SCFD2: variants seen among roughly 807,000 people sequenced by gnomAD.
SCFD2 encodes sec1 family domain-containing protein 2.
In SCFD2, 54 loss-of-function variants were observed where a neutral mutation model predicts 58.9. The ratio of observed to expected loss-of-function variants is 0.92; its 90% CI spans 0.74 to 1.15. SCFD2 has a LOEUF of 1.15. Ranked by LOEUF, SCFD2 falls within the 50% of genes most tolerant of loss-of-function variation. The probability of loss-of-function intolerance (pLI) is 0.00; values close to 1 mark genes in which losing one functional copy is unlikely to be tolerated. For missense variants in SCFD2, 805 were observed against 836.6 expected, an observed-to-expected ratio of 0.96 and a Z score of 0.47; for synonymous variants, 321 against 335.9, an observed-to-expected ratio of 0.96 and a Z score of 0.49.
intron 5 of SCFD2, among the ~76,000 whole-genome samples, chr4:52,997,344 A>G (rs1446827477): frequency 6.6e-6 from 1 of 152,232 alleles, no homozygotes; most frequent in East Asian, 1.9e-4. Flanking sequence ...AAGAGCTCTC[A>G]GGAAAACACA....
At chr4:53,268,582 C>G (rs950634962) in intron 4 of SCFD2, among the ~76,000 whole-genome samples, 1 of 152,084 alleles carries the variant, frequency 6.6e-6, no homozygotes, top group African/African-American at 2.4e-5. Flanking sequence ...AGTGTCAGAG[C>G]CTGCAGAATG....
At chr4:53,048,279 G>A (rs1015799360) in intron 5 of SCFD2, among the ~76,000 whole-genome samples, 3 of 151,930 alleles carry the variant, frequency 2.0e-5, no homozygotes, top group African/African-American at 7.3e-5. Context: ...TGAACCTGGA[G>A]GCAGAGAATG....
intron 3 of SCFD2, among the ~76,000 whole-genome samples, chr4:53,296,566 T>C (rs115769581): frequency 0.073 from 11,117 of 152,228 alleles, 616 homozygotes; most frequent in East Asian, 0.21. Flanking sequence ...CTATCTATTT[T>C]GTTAATCTCT....
At position 53,206,497 on chromosome 4, in the gene SCFD2, T is replaced by C. The variant is rs1393977619; in HGVS notation, c.1312-60915A>G. Among the ~76,000 whole-genome samples the C allele has an allele frequency of 2.0e-5, 3 of 152,072 alleles. No individual in the cohort carries two copies. In the East Asian group the frequency reaches 5.8e-4, roughly 29 times the overall value. On this transcript the variant is annotated intron_variant, in intron 4 of 8. Transcript: ENST00000401642. ...AGAACTATGACTGTTTACCAAAGCA[T>C]AGAAAACATGTTTGCTCCATATTGT...
chr4:53,013,582 T>C (rs558049698), intron 5 of SCFD2, among the ~76,000 whole-genome samples: 4 of 152,326 alleles, frequency 2.6e-5, no homozygotes, highest in African/African-American at 7.2e-5. Flanking sequence ...CTCTACAATT[T>C]CTGTCAAAAC....
chr4:52,966,002 T>C (rs1720954663), intron 5 of SCFD2, among the ~76,000 whole-genome samples: 2 of 152,206 alleles, frequency 1.3e-5, no homozygotes, highest in South Asian at 4.1e-4. Context: ...ATCTGATTGA[T>C]AAAGACTTTC....
At chr4:52,885,719 C>G (rs749106890) in intron 8 of SCFD2, 28 bp downstream of exon 8, 1 of 1,612,678 alleles carries the variant, frequency 6.2e-7, no homozygotes, top group South Asian at 1.1e-5. Flanking sequence ...CTTCTGAGCT[C>G]TTGTTCAAAG....
At chr4:53,300,537 C>A (rs368472064) in intron 3 of SCFD2, among the ~76,000 whole-genome samples, 3 of 152,142 alleles carry the variant, frequency 2.0e-5, no homozygotes, top group Non-Finnish European at 2.9e-5. Context: ...GTAGACAGAT[C>A]AACGAGAAAG....
intron 7 of SCFD2, among the ~76,000 whole-genome samples, chr4:52,891,344 C>T (rs1718872629): frequency 6.6e-6 from 1 of 152,082 alleles, no homozygotes; most frequent in East Asian, 1.9e-4. Flanking sequence ...TCAATAAAAT[C>T]AGTAAGTCAG....
At chr4:52,984,925 A>T (rs1002454955) in intron 5 of SCFD2, among the ~76,000 whole-genome samples, 2 of 152,218 alleles carry the variant, frequency 1.3e-5, no homozygotes, top group African/African-American at 4.8e-5. Flanking sequence ...ACTTTTTATA[A>T]GCTAAAGTGT....
At chr4:53,006,771 C>T (rs990899542) in intron 5 of SCFD2, among the ~76,000 whole-genome samples, 4 of 152,130 alleles carry the variant, frequency 2.6e-5, no homozygotes, top group African/African-American at 9.7e-5. Flanking sequence ...ATGTAAAACT[C>T]ATTTTCATGC....
chr4:53,299,612 C>G (rs1732193988), intron 3 of SCFD2, among the ~76,000 whole-genome samples: 1 of 151,814 alleles, frequency 6.6e-6, no homozygotes, highest in Admixed American at 6.6e-5. Flanking sequence ...CAAAGATAAT[C>G]CTCGAGAAGA....
chr4:53,076,564 T>A (rs1277634877), intron 5 of SCFD2, among the ~76,000 whole-genome samples: 1 of 152,080 alleles, frequency 6.6e-6, no homozygotes, highest in Non-Finnish European at 1.5e-5. Flanking sequence ...TCCTCGTAAC[T>A]GTCAGGAGCA....
At chr4:53,057,884 G>A (rs1187665008) in intron 5 of SCFD2, among the ~76,000 whole-genome samples, 1 of 152,070 alleles carries the variant, frequency 6.6e-6, no homozygotes. Flanking sequence ...ACCAGCATCT[G>A]GCAGGGAAAG....
chr4:53,259,900 T>C (rs1174826713), intron 4 of SCFD2, among the ~76,000 whole-genome samples: 2 of 152,080 alleles, frequency 1.3e-5, no homozygotes, highest in East Asian at 1.9e-4. Context: ...CTTGCAGTAG[T>C]GTTTTGTAGT....
At chr4:53,354,849 A>C (rs1187511155) in intron 1 of SCFD2, among the ~76,000 whole-genome samples, 2 of 99,052 alleles carry the variant, frequency 2.0e-5, no homozygotes, top group Admixed American at 1.1e-4. Flanking sequence ...GCTGGAGTGC[A>C]ATCATAGCTC....
At chr4:53,363,480 C>CT (rs1161600948) in intron 1 of SCFD2, among the ~76,000 whole-genome samples, 2 of 151,478 alleles carry the variant, frequency 1.3e-5, no homozygotes, top group East Asian at 4.0e-4. Flanking sequence ...TATATTGATA[C>CT]TTGACTACAT....
intron 3 of SCFD2, among the ~76,000 whole-genome samples, chr4:53,288,251 T>C (rs1731732620): frequency 6.6e-6 from 1 of 152,058 alleles, no homozygotes; most frequent in Non-Finnish European, 1.5e-5. Context: ...CTGTGGGACT[T>C]ATAGAGTAGC....
chr4:53,210,364 C>T (rs1382861799), intron 4 of SCFD2, among the ~76,000 whole-genome samples: 1 of 151,972 alleles, frequency 6.6e-6, no homozygotes, highest in African/African-American at 2.4e-5. Context: ...AGGGAACTTT[C>T]CAGGGGTTCC....
Sources: gnomAD v4.1 joint callset for allele counts (sites outside exome capture counted in the v4.1 genomes callset) on GRCh38, gnomAD v4.1.1 for gene constraint, MANE v1.5 for transcripts, NCBI Gene and HGNC (gene_info 2026-07-23, HGNC 2026-07-21) for gene names.